Variants in TBCD observed in about 807,000 individuals in gnomAD.
The protein encoded by TBCD is tubulin-specific chaperone D.
A neutral mutation model predicts 169.3 loss-of-function variants in TBCD; 105 were observed. The observed-to-expected ratio is 0.62, with a 90% CI of 0.53 to 0.73. The LOEUF (loss-of-function observed/expected upper bound fraction) is 0.73. Ranked by LOEUF, TBCD falls within the 30% of genes least tolerant of loss-of-function variation. The pLI, the probability that TBCD is intolerant of heterozygous loss-of-function variation, is 0.00. For synonymous variants in TBCD, 700 were observed against 643.9 expected, an observed-to-expected ratio of 1.09 and a Z score of -1.32; for missense variants, 1,444 against 1,600.1, an observed-to-expected ratio of 0.90 and a Z score of 1.66.
chr17:82,798,934 G>C (rs1215003214), intron 8 of TBCD, among the ~76,000 whole-genome samples: 2 of 151,644 alleles, frequency 1.3e-5, no homozygotes, highest in Non-Finnish European at 2.9e-5. Flanking sequence ...GGGTCTTGCT[G>C]TGCTGTCCAG....
In TBCD at chr17:82,783,149, G is replaced by A. The variant is rs559463890; in HGVS notation, c.771+1428G>A. On this transcript the variant is annotated intron_variant, in intron 7 of 38. Transcript: ENST00000355528. Reference sequence around the variant, plus strand: ...GTGGGGGCATACGTTTCTTGAGGGGGAATTGGGAAGTGTCCTCCTCAATGT... The same window carrying A: ...GTGGGGGCATACGTTTCTTGAGGGGAAATTGGGAAGTGTCCTCCTCAATGT... Among the ~76,000 whole-genome samples the A allele has an allele frequency of 1.9e-3, 280 of 151,340 alleles. 1 individual carries two copies. In the Middle Eastern group the frequency reaches 0.024, roughly 13 times the overall value.
intron 13 of TBCD, among the ~76,000 whole-genome samples, chr17:82,837,212 T>C (rs1468811450): frequency 6.6e-6 from 1 of 152,196 alleles, no homozygotes; most frequent in Non-Finnish European, 1.5e-5. Context: ...GTGTCCTGCT[T>C]AAGTGAGGTT....
intron 1 of TBCD, among the ~76,000 whole-genome samples, chr17:82,754,110 C>T (rs961976387): frequency 4.0e-5 from 6 of 151,368 alleles, no homozygotes; most frequent in Non-Finnish European, 2.9e-5. Context: ...CTCCTGACCT[C>T]GTGATCCACC....
chr17:82,786,673 G>A (rs1598486879), intron 7 of TBCD, among the ~76,000 whole-genome samples: 2 of 152,278 alleles, frequency 1.3e-5, no homozygotes, highest in Admixed American at 6.5e-5. Flanking sequence ...CTCCTGGTGA[G>A]GGGCTGTGGG....
intron 13 of TBCD, chr17:82,839,895 C>T (rs1449329301): frequency 6.6e-6 from 1 of 152,286 alleles, no homozygotes; most frequent in Non-Finnish European, 1.5e-5. Context: ...TAAAATAAAA[C>T]TTGAATTTGA....
chr17:82,859,564 A>C (rs2056595801), intron 13 of TBCD: 1 of 985,334 alleles, frequency 1.0e-6, no homozygotes, highest in Admixed American at 6.1e-5. Context: ...CTTCAGGGCT[A>C]CGGAAGTTGC....
intron 13 of TBCD, among the ~76,000 whole-genome samples, chr17:82,856,472 C>G (rs1163980065): frequency 6.6e-6 from 1 of 152,018 alleles, no homozygotes; most frequent in Non-Finnish European, 1.5e-5. Flanking sequence ...AACAGACGCC[C>G]CAATGCTTGC....
chr17:82,929,238 C>T lies in TBCD; in HGVS notation c.2819C>T (p.Pro940Leu). 1 of 1,613,880 alleles carries T rather than the reference C, an allele frequency of 6.2e-7. No individual in the cohort carries two copies. The highest frequency in any genetic ancestry group is 8.5e-7 in the Non-Finnish European group (1 of 1,179,850). ...GACAGCCCTCCCATCCCCCACGTGC[C>T]CCACCGAGGAGAACTGGAAAAGCTG... ...HFDSPPIPHV[P>L]HRGELEKLFP... is the part of the protein sequence containing the mutation. The change falls in exon 31 of 39, where the codon CCC (proline) becomes CTC (leucine). Residue 940 changes from proline to leucine, a missense_variant. Coordinates refer to ENST00000355528, the MANE Select transcript of TBCD (RefSeq NM_005993.5).
At chr17:82,763,413 C>T (rs545717244) in intron 2 of TBCD, among the ~76,000 whole-genome samples, 1 of 152,222 alleles carries the variant, frequency 6.6e-6, no homozygotes, top group Admixed American at 6.5e-5. Context: ...TTTAACCTAG[C>T]TATGTCTTTT....
chr17:82,776,303 C>G (rs1044072040), intron 6 of TBCD, among the ~76,000 whole-genome samples: 1 of 151,878 alleles, frequency 6.6e-6, no homozygotes, highest in Non-Finnish European at 1.5e-5. Context: ...CCAGCTATTC[C>G]GAAGGCTGGG....
Position 82,937,868 on chromosome 17 carries a change from G to A in TBCD, c.3282-181G>A, listed in dbSNP as rs114875276. ...CAGTGACTTTCCAAGTGCGACACTC[G>A]TGTGTGTAGGCACAGTGCAGATGTA... On this transcript the variant is annotated intron_variant, in intron 35 of 38. Transcript: ENST00000355528. 4.3e-3 allele frequency: 6,557 copies of A among 1,509,332 alleles called. 264 individuals are homozygous for A. In the African/African-American group the frequency reaches 0.078, roughly 18 times the overall value. 93.5% of individuals were successfully genotyped at this position (1,509,332 alleles called of 1,614,324 possible).
intron 13 of TBCD, among the ~76,000 whole-genome samples, chr17:82,850,183 CTGTGCTGCTGTTGGCTGTGCTGTTGTTGG>C (rs2145635673): frequency 7.9e-6 from 1 of 127,126 alleles, no homozygotes; most frequent in African/African-American, 3.0e-5. Context: ...CTGCTGTTGG[CTGTGCTGCTGTTGGCTGTGCTGTTGTTGG>C]CTGTGCTGCT....
chr17:82,804,023 CTG>C (rs1468222867), intron 9 of TBCD, among the ~76,000 whole-genome samples: 2 of 106,688 alleles, frequency 1.9e-5, no homozygotes, highest in Admixed American at 1.1e-4. Context: ...GTGCACCTGC[CTG>C]TGGGGCGTTA....
intron 2 of TBCD, among the ~76,000 whole-genome samples, chr17:82,758,384 G>GAAAAAAAAAAA (rs71168146): frequency 1.8e-3 from 45 of 24,974 alleles, no homozygotes; most frequent in African/African-American, 2.2e-3. Context: ...AAACGTCTCG[G>GAAAAAAAAAAA]AAAAAAAAAA....
intron 13 of TBCD, among the ~76,000 whole-genome samples, chr17:82,863,257 CAGG>C (rs1190437622): frequency 2.1e-4 from 32 of 152,152 alleles, no homozygotes. Context: ...CAGATGCCCC[CAGG>C]AGGAGGAGAA....
At chr17:82,853,240 C>T (rs897450720) in intron 13 of TBCD, among the ~76,000 whole-genome samples, 16 of 152,070 alleles carry the variant, frequency 1.1e-4, no homozygotes, top group African/African-American at 2.7e-4. Context: ...CCACCACGCC[C>T]AGCTAATTGT....
At chr17:82,834,960 G>T (rs2053843778) in intron 13 of TBCD, among the ~76,000 whole-genome samples, 1 of 152,130 alleles carries the variant, frequency 6.6e-6, no homozygotes, top group Non-Finnish European at 1.5e-5. Flanking sequence ...CACTTTGGGA[G>T]GCCGAGGTGG....
chr17:82,896,796 C>T (rs377677491), intron 17 of TBCD, among the ~76,000 whole-genome samples: 6 of 152,208 alleles, frequency 3.9e-5, no homozygotes, highest in African/African-American at 9.6e-5. Context: ...ACATGGCTTT[C>T]GGCGTGATGG....
intron 36 of TBCD, 132 bp downstream of exon 36, chr17:82,938,268 A>C (rs1477161418): frequency 1.2e-5 from 12 of 1,008,982 alleles, no homozygotes; most frequent in African/African-American, 1.6e-5. Flanking sequence ...CGCCTGGGTG[A>C]CGACGCGTCA....
Sources: allele counts gnomAD v4.1 joint callset (sites outside exome capture counted in the v4.1 genomes callset), GRCh38; gene constraint gnomAD v4.1.1; transcripts MANE v1.5; gene names NCBI Gene and HGNC (gene_info 2026-07-23, HGNC 2026-07-21).